GRID2: variants seen among roughly 807,000 people sequenced by gnomAD.
The protein encoded by GRID2 is glutamate ionotropic receptor delta type subunit 2, also known as glutamate receptor ionotropic, delta-2.
A neutral mutation model predicts 114.8 loss-of-function variants in GRID2; 33 were observed. The ratio of observed to expected loss-of-function variants is 0.29; its 90% confidence interval spans 0.22 to 0.38. The LOEUF (loss-of-function observed/expected upper bound fraction) is 0.38. Ranked by LOEUF, GRID2 falls within the 10% of genes least tolerant of loss-of-function variation. The pLI is 1.00. For synonymous variants in GRID2, 505 were observed against 449.9 expected, an observed-to-expected ratio of 1.12 and a Z score of -1.55; for missense variants, 1,184 against 1,257.7, an observed-to-expected ratio of 0.94 and a Z score of 0.89.
At chr4:93,328,368 A>G (rs905077566) in intron 8 of GRID2, among the ~76,000 whole-genome samples, 4 of 152,074 alleles carry the variant, frequency 2.6e-5, no homozygotes, top group African/African-American at 9.7e-5. Context: ...ATTGTATGAA[A>G]AAGAAAGTCC....
intron 14 of GRID2, among the ~76,000 whole-genome samples, chr4:93,694,535 T>G (rs1424117523): frequency 6.6e-6 from 1 of 152,228 alleles, no homozygotes; most frequent in African/African-American, 2.4e-5. Flanking sequence ...CATTGACTTA[T>G]CACTTCTGTT....
At chr4:93,371,319 G>A (rs1049211645) in intron 8 of GRID2, among the ~76,000 whole-genome samples, 8 of 152,058 alleles carry the variant, frequency 5.3e-5, no homozygotes, top group Admixed American at 4.6e-4. Context: ...AATGCCATTA[G>A]GGAACTGCCC....
At chr4:93,459,365 T>C (rs1046591454) in intron 11 of GRID2, among the ~76,000 whole-genome samples, 1 of 152,054 alleles carries the variant, frequency 6.6e-6, no homozygotes, top group Non-Finnish European at 1.5e-5. Context: ...GTTGTAGGTA[T>C]GTGGATACAA....
chr4:93,125,375 C>T (rs1734171764), intron 4 of GRID2, among the ~76,000 whole-genome samples: 1 of 151,780 alleles, frequency 6.6e-6, no homozygotes, highest in Non-Finnish European at 1.5e-5. Flanking sequence ...AACTCTGATT[C>T]TCTGATATAT....
intron 2 of GRID2, among the ~76,000 whole-genome samples, chr4:92,796,145 CAA>C (rs1242055510): frequency 1.3e-5 from 2 of 151,874 alleles, no homozygotes; most frequent in Non-Finnish European, 2.9e-5. Flanking sequence ...ATAGCACTGA[CAA>C]TATTTTCCGT....
At chr4:92,544,655 G>A (rs1269727593) in intron 1 of GRID2, among the ~76,000 whole-genome samples, 3 of 152,054 alleles carry the variant, frequency 2.0e-5, no homozygotes, top group Non-Finnish European at 4.4e-5. Flanking sequence ...GAGAGAGTGT[G>A]ACCTGATGAG....
intron 2 of GRID2, among the ~76,000 whole-genome samples, chr4:92,701,097 A>G (rs945665078): frequency 5.9e-5 from 9 of 152,298 alleles, no homozygotes; most frequent in Non-Finnish European, 1.2e-4. Flanking sequence ...AACATTTACC[A>G]GATTTAACCT....
chr4:93,338,160 C>T (rs1329218632), intron 8 of GRID2, among the ~76,000 whole-genome samples: 3 of 151,808 alleles, frequency 2.0e-5, no homozygotes, highest in Non-Finnish European at 4.4e-5. Flanking sequence ...TTTTTTGCTA[C>T]AATACATAAC....
intron 1 of GRID2, among the ~76,000 whole-genome samples, chr4:92,547,209 AAAT>A (rs1241586718): frequency 2.0e-5 from 3 of 152,180 alleles, no homozygotes; most frequent in Non-Finnish European, 4.4e-5. Flanking sequence ...AAAATTCATA[AAAT>A]AATACTTGTA....
At chr4:92,416,696 T>G (rs1288489522) in intron 1 of GRID2, among the ~76,000 whole-genome samples, 2 of 152,104 alleles carry the variant, frequency 1.3e-5, no homozygotes, top group Non-Finnish European at 2.9e-5. Flanking sequence ...TTTGCTTTGT[T>G]GAAGGTCAGT....
intron 3 of GRID2, among the ~76,000 whole-genome samples, chr4:93,097,297 A>G (rs565986904): frequency 6.6e-6 from 1 of 152,078 alleles, no homozygotes; most frequent in African/African-American, 2.4e-5. Context: ...AAATTACAAT[A>G]TAGAACAACC....
At chr4:93,507,864 A>G (rs1728774838) in intron 12 of GRID2, among the ~76,000 whole-genome samples, 1 of 152,176 alleles carries the variant, frequency 6.6e-6, no homozygotes, top group East Asian at 1.9e-4. Flanking sequence ...GTGGCAAAAT[A>G]TTATGACAGG....
At chr4:93,001,797 A>G (rs1721016548) in intron 2 of GRID2, among the ~76,000 whole-genome samples, 1 of 151,760 alleles carries the variant, frequency 6.6e-6, no homozygotes, top group Non-Finnish European at 1.5e-5. Context: ...CATTAACAAG[A>G]AAACTAAAAT....
chr4:93,501,576 C>T (rs953471608), intron 12 of GRID2, among the ~76,000 whole-genome samples: 2 of 150,634 alleles, frequency 1.3e-5, no homozygotes, highest in Non-Finnish European at 1.5e-5. Flanking sequence ...ACAGCTATCT[C>T]GATGTCATAG....
chr4:93,718,217 A>T (rs947431730), intron 14 of GRID2, among the ~76,000 whole-genome samples: 1 of 152,196 alleles, frequency 6.6e-6, no homozygotes, highest in African/African-American at 2.4e-5. Context: ...ATATACCCCT[A>T]TATGCATTTC....
chr4:93,411,059 A>G (rs563077923), intron 9 of GRID2, among the ~76,000 whole-genome samples: 1 of 152,346 alleles, frequency 6.6e-6, no homozygotes, highest in East Asian at 1.9e-4. Context: ...GTACTATTGA[A>G]AAAAGTATTC....
At chr4:93,645,964 T>A (rs1192473175) in intron 14 of GRID2, among the ~76,000 whole-genome samples, 1 of 152,198 alleles carries the variant, frequency 6.6e-6, no homozygotes, top group Non-Finnish European at 1.5e-5. Context: ...AATCCTATCA[T>A]CACTATGACT....
At chr4:93,225,028 C>T (rs1002477643) in intron 7 of GRID2, among the ~76,000 whole-genome samples, 12 of 151,970 alleles carry the variant, frequency 7.9e-5, no homozygotes, top group Non-Finnish European at 1.3e-4. Context: ...TTGACTATGT[C>T]ATTAGCATTA....
intron 14 of GRID2, among the ~76,000 whole-genome samples, chr4:93,692,117 G>A (rs1726620223): frequency 6.6e-6 from 1 of 152,012 alleles, no homozygotes; most frequent in Non-Finnish European, 1.5e-5. Context: ...GGGAAGCAGT[G>A]AAAAGGCAAA....
Sources: gnomAD v4.1 joint callset for allele counts (sites outside exome capture counted in the v4.1 genomes callset) on GRCh38, gnomAD v4.1.1 for gene constraint, MANE v1.5 for transcripts, NCBI Gene and HGNC (gene_info 2026-07-23, HGNC 2026-07-21) for gene names.